NAA60: variants seen among roughly 807,000 people sequenced by gnomAD.
The protein encoded by NAA60 is N-alpha-acetyltransferase 60, NatF catalytic subunit.
NAA60 carries 8 observed loss-of-function variants against 26.1 expected under a neutral mutation model. That is an observed-to-expected ratio of 0.31 (90% CI 0.18 to 0.55). The LOEUF (loss-of-function observed/expected upper bound fraction) is 0.55, where lower values mean the gene tolerates loss of function less well. Among genes scored for constraint, NAA60 ranks in the 20% least tolerant of loss-of-function variants. The pLI, the probability that NAA60 is intolerant of heterozygous loss-of-function variation, is 0.93. For missense variants in NAA60, 290 were observed against 311.3 expected (o/e 0.93, Z 0.51); for synonymous variants, 131 against 122.5 (o/e 1.07, Z -0.46).
intron 6 of NAA60, chr16:3,483,809 TCTCGAA>T (rs1413085085): frequency 5.3e-6 from 3 of 565,372 alleles, no homozygotes; most frequent in Non-Finnish European, 9.3e-6. Context: ...CCCAGGCTGG[TCTCGAA>T]CTCCTAAGCT....
At chr16:3,482,449 T>A in intron 4 of NAA60, 53 bp from the exon 5 acceptor site, 1 of 1,429,038 alleles carries the variant, frequency 7.0e-7, no homozygotes, top group Non-Finnish European at 9.7e-7. Flanking sequence ...GGCTGTGCAG[T>A]GAGCCGTGCA....
At chr16:3,458,085 G>C (rs889375406) in intron 2 of NAA60, 58 of 985,230 alleles carry the variant, frequency 5.9e-5, no homozygotes, top group Non-Finnish European at 7.0e-5. Context: ...TACATAACTC[G>C]TTGCGGGCTC....
At position 3,474,445 on chromosome 16, in the gene NAA60, C is replaced by G. The variant is rs1206683109; in HGVS notation, c.-6-1777C>G. On this transcript the variant is annotated intron_variant, in intron 2 of 7. Coordinates refer to ENST00000407558, the MANE Select transcript of NAA60 (RefSeq NM_001083601.3). ...CTATCTCCACTCCGCAGAGAAGGCTCCAGGAATCTGATTAACTAAGGCTGA... is the reference window on the plus strand; with the variant it reads ...CTATCTCCACTCCGCAGAGAAGGCTGCAGGAATCTGATTAACTAAGGCTGA... 2.6e-5 allele frequency among the ~76,000 whole-genome samples: 4 copies of G among 152,210 alleles called. No individual in the cohort carries two copies. The East Asian group carries it at 5.8e-4, about 22-fold the overall frequency.
chr16:3,472,751 G>A (rs969472025), intron 2 of NAA60, among the ~76,000 whole-genome samples: 1 of 152,062 alleles, frequency 6.6e-6, no homozygotes, highest in African/African-American at 2.4e-5. Flanking sequence ...TTTTAATTAA[G>A]AACATTTTCA....
At chr16:3,480,752 A>G (rs72778116) in intron 4 of NAA60, among the ~76,000 whole-genome samples, 13,144 of 152,190 alleles carry the variant, frequency 0.086, 735 homozygotes, top group Non-Finnish European at 0.13. Context: ...AAAGTAAAAA[A>G]TAAATTAGCC....
At chr16:3,482,681 T>G in intron 5 of NAA60, 83 bp downstream of exon 5, 6 of 905,444 alleles carry the variant, frequency 6.6e-6, no homozygotes, top group Non-Finnish European at 6.6e-6. Context: ...ACCCAGTCTC[T>G]TCCCTGGCCC....
chr16:3,484,427 C>G (rs938154014), intron 6 of NAA60: 15 of 531,890 alleles, frequency 2.8e-5, no homozygotes, highest in African/African-American at 1.7e-4. Flanking sequence ...TTCCCCACCC[C>G]CCGTGCATCC....
chr16:3,444,140 G>A (rs1035521852), intron 1 of NAA60, among the ~76,000 whole-genome samples: 4 of 152,184 alleles, frequency 2.6e-5, no homozygotes, highest in African/African-American at 9.7e-5. Context: ...CGAGAATAGA[G>A]CCATAGGTTA....
intron 2 of NAA60, among the ~76,000 whole-genome samples, chr16:3,456,484 C>A (rs1224332102): frequency 6.6e-6 from 1 of 151,938 alleles, no homozygotes. Flanking sequence ...AAATTTCAAA[C>A]CTCCTCAATT....
intron 2 of NAA60, among the ~76,000 whole-genome samples, chr16:3,453,442 G>T (rs1009805702): frequency 6.6e-6 from 1 of 151,740 alleles, no homozygotes; most frequent in African/African-American, 2.4e-5. Flanking sequence ...ACAGAGTTTC[G>T]CTCTCGTCCA....
chr16:3,478,987 G>T (rs2036658629), intron 3 of NAA60, among the ~76,000 whole-genome samples: 1 of 152,082 alleles, frequency 6.6e-6, no homozygotes, highest in Admixed American at 6.5e-5. Context: ...TGTAATCCCA[G>T]TACTTTGGGA....
chr16:3,478,064 A>AAT (rs2036593520), intron 3 of NAA60, among the ~76,000 whole-genome samples: 2 of 137,226 alleles, frequency 1.5e-5, no homozygotes, highest in African/African-American at 5.3e-5. Context: ...CTCTGTCTCA[A>AAT]AATAATAATA....
chr16:3,472,546 C>T (rs1367762113), intron 2 of NAA60, among the ~76,000 whole-genome samples: 2 of 152,178 alleles, frequency 1.3e-5, no homozygotes, highest in Admixed American at 1.3e-4. Context: ...AATTCTGTTG[C>T]CTCAGCCTCC....
At chr16:3,472,970 G>C (rs1286663272) in intron 2 of NAA60, among the ~76,000 whole-genome samples, 3 of 152,104 alleles carry the variant, frequency 2.0e-5, no homozygotes, top group African/African-American at 4.8e-5. Context: ...ACCTTCATCT[G>C]TTCTTTTAGA....
At chr16:3,483,262 C>T (rs1264287630) in intron 5 of NAA60, 101 bp from the exon 6 acceptor site, 28 of 857,970 alleles carry the variant, frequency 3.3e-5, no homozygotes, top group Non-Finnish European at 5.1e-5. Context: ...TACGGTGGGC[C>T]GAGACATCTC....
intron 2 of NAA60, among the ~76,000 whole-genome samples, chr16:3,462,332 A>C (rs549516530): frequency 3.2e-4 from 49 of 152,260 alleles, no homozygotes; most frequent in African/African-American, 1.2e-3. Context: ...TTTCTGGAAA[A>C]TGTTAATGCA....
chr16:3,483,682 C>T (rs1359309461), intron 6 of NAA60, 85 bp downstream of exon 6: 10 of 1,049,556 alleles, frequency 9.5e-6, no homozygotes, highest in South Asian at 4.1e-5. Context: ...GCTGTGGTCC[C>T]CCTCAGATGA....
At chr16:3,484,274 C>A (rs1307256421) in intron 6 of NAA60, among the ~76,000 whole-genome samples, 3 of 152,214 alleles carry the variant, frequency 2.0e-5, no homozygotes, top group Non-Finnish European at 4.4e-5. Flanking sequence ...CACAGGCCGT[C>A]TAGCTTATGT....
rs989111747 is a variant in NAA60, at chr16:3,482,654, A to G, written c.337+56A>G. Reference sequence around the variant, plus strand: ...CCACCCCACCCCCTTGCCCTACCCCACCCCCATCCCATCTGCACCCAGTCT... The same window carrying G: ...CCACCCCACCCCCTTGCCCTACCCCGCCCCCATCCCATCTGCACCCAGTCT... On this transcript the variant is annotated intron_variant, in intron 5 of 7. Coordinates refer to ENST00000407558, the MANE Select transcript of NAA60 (RefSeq NM_001083601.3). 1.0e-5 allele frequency: 8 copies of G among 780,598 alleles called. No homozygotes were observed. The African/African-American group carries it at 4.3e-4, about 42-fold the overall frequency. The allele number at this position is 780,598 out of a possible 1,614,324, so 48.4% of individuals were successfully genotyped here.
Sources: gnomAD v4.1 joint callset for allele counts (sites outside exome capture counted in the v4.1 genomes callset) on GRCh38, gnomAD v4.1.1 for gene constraint, MANE v1.5 for transcripts, NCBI Gene and HGNC (gene_info 2026-07-23, HGNC 2026-07-21) for gene names.